The following CFAP61 variants were observed in gnomAD, a reference collection of about 807,000 sequenced individuals.
CFAP61 encodes the protein cilia and flagella associated protein 61.
A neutral mutation model predicts 135.6 loss-of-function variants in CFAP61; 107 were observed. That is an observed-to-expected ratio of 0.79 (90% CI 0.67 to 0.93). The LOEUF is 0.93. Among genes scored for constraint, CFAP61 ranks in the 40% least tolerant of loss-of-function variants. The pLI, the probability that CFAP61 is intolerant of heterozygous loss-of-function variation, is 0.00. For synonymous variants in CFAP61, 575 were observed against 578.5 expected (o/e 0.99, Z 0.09); for missense variants, 1,507 against 1,556.2 (o/e 0.97, Z 0.53).
chr20:20,056,055 A>T (rs770869638), intron 1 of CFAP61: 1 of 1,443,562 alleles, frequency 6.9e-7, no homozygotes, highest in East Asian at 2.3e-5. Flanking sequence ...AGGCTGGGTT[A>T]TACAAAGAAA....
intron 25 of CFAP61, among the ~76,000 whole-genome samples, chr20:20,309,846 CAG>C (rs1399980974): frequency 1.4e-5 from 2 of 147,762 alleles, no homozygotes; most frequent in Non-Finnish European, 1.5e-5. Context: ...AAAAAAAAAA[CAG>C]AAATCATGTT....
At chr20:20,341,400 C>T (rs893276765) in intron 25 of CFAP61, among the ~76,000 whole-genome samples, 6 of 152,190 alleles carry the variant, frequency 3.9e-5, no homozygotes, top group African/African-American at 1.2e-4. Flanking sequence ...CAAAGGCAGC[C>T]TGTTTTTCTG....
rs1427307738 is a variant in CFAP61 at position 20,075,106 on chromosome 20, G to A, written c.372-83G>A. On this transcript the variant is annotated intron_variant, in intron 4 of 26. Transcript: ENST00000245957. ...GATTTAGGAACACCTCACCTTTTTA[G>A]TGACAGCATTTGTCTTCATCAAGTG... 2.3e-6 allele frequency: 3 copies of A among 1,297,888 alleles called. No individual in the cohort carries two copies. In the African/African-American group the frequency reaches 4.4e-5, roughly 19 times the overall value. 80.4% of individuals were successfully genotyped at this position (1,297,888 alleles called of 1,614,324 possible).
In CFAP61 at chr20:20,056,740, C is replaced by T. The variant is rs1314866922; in HGVS notation, c.87C>T (p.Ser29=). The change falls in exon 2 of 27, where the codon AGC becomes AGT. Residue 29 remains serine (S), a synonymous_variant. Transcript: ENST00000245957. ...TESQDVYCIK[S]LIRKFTCKLF... ...CACAGGATGTTTATTGTATCAAAAG[C>T]CTTATTAGAAAATTTACCTGCAAGC... 2 of 1,613,742 alleles carry T rather than the reference C, an allele frequency of 1.2e-6. No individual in the cohort carries two copies. Among genetic ancestry groups the T allele is most frequent in the Admixed American group, 1.7e-5 (1 of 59,984 alleles).
chr20:20,196,809 G>A, intron 16 of CFAP61, 33 bp downstream of exon 16: 2 of 1,571,780 alleles, frequency 1.3e-6, no homozygotes, highest in Non-Finnish European at 1.8e-6. Flanking sequence ...TTTCCCAGCA[G>A]GTCAACGTTC....
chr20:20,164,127 C>G lies in CFAP61; in HGVS notation c.1104C>G (p.Leu368=), dbSNP rs777132694. 13 of 1,614,046 alleles carry G rather than the reference C, an allele frequency of 8.1e-6. No individual in the cohort carries two copies. Among genetic ancestry groups the G allele is most frequent in the Admixed American group, 1.7e-5 (1 of 60,026 alleles). Residue 368 remains leucine, a synonymous_variant, in exon 11 of 27, where the codon CTC becomes CTG. Transcript: ENST00000245957. ...HHVSSRSLAS[L]VLPEEPVHFR... is the part of the protein sequence containing the mutation. ...TCAGCAGTAGGAGCTTGGCATCGCT[C>G]GTACTGCCTGAAGAGCCCGTCCACT... is the stretch of plus-strand genomic sequence containing the variant.
At chr20:20,120,994 C>T (rs746789146) in intron 8 of CFAP61, among the ~76,000 whole-genome samples, 6 of 151,932 alleles carry the variant, frequency 3.9e-5, no homozygotes, top group Non-Finnish European at 7.4e-5. Context: ...TTTCCACTTC[C>T]ATTTTCAGTT....
chr20:20,151,825 GTC>G (rs2052451940), intron 9 of CFAP61, among the ~76,000 whole-genome samples: 2 of 3,666 alleles, frequency 5.5e-4, no homozygotes, highest in Non-Finnish European at 3.5e-3. Context: ...GCAAGACTCC[GTC>G]TCAAAAAAAA....
intron 9 of CFAP61, among the ~76,000 whole-genome samples, chr20:20,145,056 A>G (rs941225698): frequency 3.3e-5 from 5 of 152,088 alleles, no homozygotes; most frequent in Admixed American, 1.3e-4. Context: ...CAGAAGGAAA[A>G]TGGTATCAGA....
rs964199067 is a variant in CFAP61 at position 20,070,929 on chromosome 20, C to T, written c.219C>T (p.Tyr73=). 1 of 1,614,110 alleles carries T rather than the reference C, an allele frequency of 6.2e-7. No individual in the cohort carries two copies. Among genetic ancestry groups the T allele is most frequent in the South Asian group, 1.1e-5 (1 of 91,084 alleles). ...EIMAQATFLD[Y]PNWNVAKQDD... ...TGGCCCAGGCCACCTTCCTGGACTA[C>T]CCCAACTGGAATGTTGCCAAGCAGG... Residue 73 remains tyrosine, a synonymous_variant, in exon 3 of 27, where the codon TAC becomes TAT. Transcript: ENST00000245957.
intron 8 of CFAP61, among the ~76,000 whole-genome samples, chr20:20,136,526 A>ACT (rs60756346): frequency 0.9 from 137,124 of 152,118 alleles, 62,616 homozygotes; most frequent in Middle Eastern, 0.99. Flanking sequence ...CTATTAAGAG[A>ACT]CTGATACATT....
chr20:20,093,834 C>G (rs956384496), intron 7 of CFAP61, among the ~76,000 whole-genome samples: 1 of 152,108 alleles, frequency 6.6e-6, no homozygotes, highest in Non-Finnish European at 1.5e-5. Flanking sequence ...TTAAGTCAAT[C>G]TTTTGGGGGT....
chr20:20,146,075 A>G (rs2051856565), intron 9 of CFAP61, among the ~76,000 whole-genome samples: 1 of 152,184 alleles, frequency 6.6e-6, no homozygotes, highest in Non-Finnish European at 1.5e-5. Context: ...ACTGTGAACA[A>G]TGTGGATCTT....
At chr20:20,291,092 A>T (rs1174680889) in intron 24 of CFAP61, among the ~76,000 whole-genome samples, 1 of 152,200 alleles carries the variant, frequency 6.6e-6, no homozygotes, top group Non-Finnish European at 1.5e-5. Flanking sequence ...AAAGACATAT[A>T]GCCTCCCCCA....
chr20:20,174,524 C>T (rs1005546900), intron 13 of CFAP61, among the ~76,000 whole-genome samples: 7 of 152,170 alleles, frequency 4.6e-5, no homozygotes, highest in Non-Finnish European at 1.0e-4. Context: ...TTTAGTGAAA[C>T]CACACATTTA....
intron 15 of CFAP61, among the ~76,000 whole-genome samples, chr20:20,193,609 T>C (rs1469791150): frequency 6.6e-6 from 1 of 152,004 alleles, no homozygotes; most frequent in Non-Finnish European, 1.5e-5. Flanking sequence ...CAAATTATTA[T>C]AATAATTATT....
chr20:20,325,038 A>C (rs1370960229), intron 25 of CFAP61, among the ~76,000 whole-genome samples: 1 of 152,198 alleles, frequency 6.6e-6, no homozygotes, highest in Admixed American at 6.5e-5. Context: ...AAATGATCAG[A>C]AAGTACAGAG....
intron 7 of CFAP61, among the ~76,000 whole-genome samples, chr20:20,093,056 C>T (rs956128488): frequency 6.6e-6 from 1 of 152,146 alleles, no homozygotes; most frequent in Non-Finnish European, 1.5e-5. Flanking sequence ...AAAGTGGAGA[C>T]AGCCCAAATG....
intron 25 of CFAP61, among the ~76,000 whole-genome samples, chr20:20,305,024 T>TA (rs933969279): frequency 1.3e-5 from 2 of 152,246 alleles, no homozygotes; most frequent in Non-Finnish European, 2.9e-5. Flanking sequence ...GCCCATCAGA[T>TA]ACTCATAAAC....
Sources: allele counts gnomAD v4.1 joint callset (sites outside exome capture counted in the v4.1 genomes callset), GRCh38; gene constraint gnomAD v4.1.1; transcripts MANE v1.5; gene names NCBI Gene and HGNC (gene_info 2026-07-23, HGNC 2026-07-21).